PYGM: variants seen among roughly 807,000 people sequenced by gnomAD.
PYGM encodes the protein glycogen phosphorylase, muscle associated.
In PYGM, 81 loss-of-function variants were observed where a neutral mutation model predicts 99.3. The ratio of observed to expected loss-of-function variants is 0.82; its 90% CI spans 0.68 to 0.98. The LOEUF is 0.98. PYGM is among the 50% of genes least tolerant of loss of function. The pLI, the probability that PYGM is intolerant of heterozygous loss-of-function variation, is 0.00. For missense variants in PYGM, 1,030 were observed against 1,158.1 expected (o/e 0.89, Z 1.61); for synonymous variants, 436 against 451.5 (o/e 0.97, Z 0.44).
In PYGM at chr11:64,746,710, C is replaced by A. The variant is rs753530504; in HGVS notation, c.2478G>T (p.Trp826Cys). The A allele has an allele frequency of 6.2e-7, 1 of 1,614,192 alleles. No homozygotes were observed. Among genetic ancestry groups the A allele is most frequent in the Non-Finnish European group, 8.5e-7 (1 of 1,180,034 alleles). Residue 826 changes from tryptophan (W) to cysteine (C), a missense_variant, in exon 20 of 20, where the codon TGG becomes TGT. Trp to Cys is a radical substitution (Grantham distance 215). Transcript: ENST00000164139. ...GGCGCTGGCGGGAAGGCTCCACACC[C>A]CAGATCTCCCGGGCATACTGGGCAA... ...RTIAQYAREI[W>C]GVEPSRQRLP...
chr11:64,754,918 C>T lies in PYGM; in HGVS notation c.856-82G>A. On this transcript the variant is annotated intron_variant, in intron 7 of 19. Transcript: ENST00000164139. This position sits in a 1 kb window ranked among gnomAD's most constrained non-coding sequence, Gnocchi z 5.5. ...CGGTGGGTGTGGCCAGGAGGGACTC[C>T]CACCCATACCGGGACCCCTGAGCCC... The T allele has an allele frequency of 6.4e-7, 1 of 1,567,756 alleles. No individual in the cohort carries two copies. The highest frequency in any genetic ancestry group is 8.6e-7 in the Non-Finnish European group (1 of 1,157,144).
At chr11:64,757,721 G>A in intron 5 of PYGM, 58 bp downstream of exon 5, 2 of 1,609,776 alleles carry the variant, frequency 1.2e-6, no homozygotes, top group Non-Finnish European at 1.7e-6. Flanking sequence ...TCCTCTCTGG[G>A]CTTCCTTCTC....
intron 16 of PYGM, 200 bp downstream of exon 16, chr11:64,751,125 C>A: frequency 1.4e-6 from 1 of 697,474 alleles, no homozygotes; most frequent in Non-Finnish European, 2.4e-6. Flanking sequence ...CTCCTGACCT[C>A]AGGTGATCCA....
At chr11:64,751,725 G>A in intron 14 of PYGM, 70 bp from the exon 15 acceptor site, 1 of 1,582,640 alleles carries the variant, frequency 6.3e-7, no homozygotes, top group South Asian at 1.1e-5. Context: ...ACAGAGGCTG[G>A]GCTGGGACAC....
intron 17 of PYGM, 93 bp from the exon 18 acceptor site, chr11:64,747,451 A>C: frequency 6.4e-7 from 1 of 1,571,100 alleles, no homozygotes; most frequent in South Asian, 1.1e-5. Flanking sequence ...CCAGGGTCAA[A>C]ACCCAGGTCC....
chr11:64,757,846 G>A lies in PYGM; in HGVS notation c.593C>T (p.Thr198Met), dbSNP rs762354482. The change falls in exon 5 of 20, where the codon ACG (threonine) becomes ATG (methionine). Residue 198 changes from threonine to methionine, a missense_variant. Coordinates refer to ENST00000164139, the MANE Select transcript of PYGM (RefSeq NM_005609.4). Reference sequence around the variant, plus strand: ...ATGGCCGTAGAAGTGCACAGGTAGCGTGAACTCGGGCCGGGCCTTCTCCCA... The same window carrying A: ...ATGGCCGTAGAAGTGCACAGGTAGCATGAACTCGGGCCGGGCCTTCTCCCA... ...NPWEKARPEF[T>M]LPVHFYGHVE... is the part of the protein sequence containing the mutation. 9.9e-6 allele frequency: 16 copies of A among 1,614,040 alleles called. No homozygotes were observed. Among genetic ancestry groups the A allele is most frequent in the Middle Eastern group, 1.6e-4 (1 of 6,084 alleles).
Position 64,755,185 on chromosome 11 carries a change from G to A in PYGM, c.855+88C>T. On this transcript the variant is annotated intron_variant, in intron 7 of 19. Transcript: ENST00000164139. This position sits in a 1 kb window ranked among gnomAD's most constrained non-coding sequence, Gnocchi z 4.1. ...AGCAATATGCCCTGGGTGTGACTAG[G>A]GCACCAGCAAGTGTCCTTCCCCAGC... 2 of 1,425,208 alleles carry A rather than the reference G, an allele frequency of 1.4e-6. No individual in the cohort carries two copies. Among genetic ancestry groups the A allele is most frequent in the Non-Finnish European group, 2.0e-6 (2 of 1,012,938 alleles). The allele number at this position is 1,425,208 out of a possible 1,614,324, so 88.3% of individuals were successfully genotyped here.
chr11:64,758,165 G>A, intron 4 of PYGM, 81 bp downstream of exon 4: 7 of 1,501,584 alleles, frequency 4.7e-6, no homozygotes, highest in African/African-American at 1.4e-5. Flanking sequence ...GGGCTGTTTC[G>A]GACCTTGCCA....
rs777649758 is a variant in PYGM at position 64,751,373 on chromosome 11, G to C, written c.1921C>G (p.Leu641Val). The C allele has an allele frequency of 6.2e-7, 1 of 1,614,162 alleles. No individual in the cohort carries two copies. The highest frequency in any genetic ancestry group is 1.7e-5 in the Admixed American group (1 of 60,030). Residue 641 changes from leucine to valine, a missense_variant, in exon 16 of 20, where the codon CTC (leucine) becomes GTC (valine). Transcript: ENST00000164139. ...TAGTTCTCCAGGAAGATGACACGGA[G>C]GCGGTCACCCACTGCCGGGTCATGG... ...VNHDPAVGDR[L>V]RVIFLENYRV...
intron 17 of PYGM, among the ~76,000 whole-genome samples, chr11:64,749,578 C>G (rs2058339323): frequency 6.8e-6 from 1 of 146,202 alleles, no homozygotes; most frequent in African/African-American, 2.5e-5. Context: ...GGAGGCGGAG[C>G]TTGCAGTGAG....
At chr11:64,759,990 C>G, upstream of PYGM, 1 of 1,560,434 alleles carries the variant, frequency 6.4e-7, no homozygotes, top group Non-Finnish European at 8.7e-7. Context: ...TCCCCAGCCT[C>G]AAGGGGATTT....
Position 64,755,562 on chromosome 11 carries a change from C to CGG in PYGM, c.661-6_661-5dup. ...CGTAGGGCATGGCCAGTACCACCTGCGGGGGGCAATCCTGTCAGGAGCTGG... is the reference window on the plus strand; with the variant it reads ...CGTAGGGCATGGCCAGTACCACCTGCGGGGGGGGCAATCCTGTCAGGAGCTGG... On this transcript the variant is annotated splice_region_variant and splice_polypyrimidine_tract_variant and intron_variant, in intron 5 of 19. Coordinates refer to ENST00000164139, the MANE Select transcript of PYGM (RefSeq NM_005609.4). This position sits in a 1 kb window ranked among gnomAD's most constrained non-coding sequence, Gnocchi z 4.1. The CGG allele has an allele frequency of 6.2e-7, 1 of 1,612,474 alleles. No homozygotes were observed. Among genetic ancestry groups the CGG allele is most frequent in the Non-Finnish European group, 8.5e-7 (1 of 1,178,704 alleles).
chr11:64,747,084 C>T lies in PYGM; in HGVS notation c.2313-97G>A, dbSNP rs1285485995. 105 of 1,569,758 alleles carry T rather than the reference C, an allele frequency of 6.7e-5. No individual in the cohort carries two copies. In the East Asian group the frequency reaches 2.0e-3, roughly 30 times the overall value. On this transcript the variant is annotated intron_variant, in intron 18 of 19. Transcript: ENST00000164139. ...AGCCTGCCCTGTCCCAGTGGACAGC[C>T]GGGGACCTAGAGGGTCATGCTGCTT... is the stretch of plus-strand genomic sequence containing the variant.
chr11:64,753,147 T>C lies in PYGM; in HGVS notation c.1444A>G (p.Asn482Asp). Reference protein sequence around the residue: ...FYELEPHKFQNKTNGITPRRW... With the variant: ...FYELEPHKFQDKTNGITPRRW... ...CGAGGGGTGATGCCGTTGGTCTTAT[T>C]CTGGAACTTATGAGGCTCCAGCTCA... is the stretch of plus-strand genomic sequence containing the variant. The change falls in exon 12 of 20, where the codon AAT becomes GAT. Residue 482 changes from asparagine to aspartate, a missense_variant. Asn to Asp is a conservative substitution (Grantham distance 23). Coordinates refer to ENST00000164139, the MANE Select transcript of PYGM (RefSeq NM_005609.4). 1 of 1,614,028 alleles carries C rather than the reference T, an allele frequency of 6.2e-7. No homozygotes were observed. The highest frequency in any genetic ancestry group is 8.5e-7 in the Non-Finnish European group (1 of 1,179,888).
intron 17 of PYGM, chr11:64,748,209 G>T (rs906062026): frequency 1.3e-5 from 2 of 152,340 alleles, no homozygotes; most frequent in African/African-American, 4.8e-5. Context: ...CGACTCTCAG[G>T]CAACTCTCCC....
chr11:64,752,722 C>G (rs920965348), intron 12 of PYGM, among the ~76,000 whole-genome samples: 1 of 152,218 alleles, frequency 6.6e-6, no homozygotes, highest in Non-Finnish European at 1.5e-5. Context: ...CCCCACCTGA[C>G]CCCAGCAGGC....
intron 10 of PYGM, 89 bp downstream of exon 10, chr11:64,753,790 T>C: frequency 1.3e-6 from 2 of 1,527,696 alleles, no homozygotes; most frequent in Non-Finnish European, 1.8e-6. Context: ...CCCCAGAGTC[T>C]CAGGGCCCTG....
Position 64,754,870 on chromosome 11 carries a change from G to A in PYGM, c.856-34C>T, listed in dbSNP as rs779652212. On this transcript the variant is annotated intron_variant, in intron 7 of 19. Transcript: ENST00000164139. The surrounding 1 kb of genome is among the most constrained non-coding windows in gnomAD (Gnocchi z 5.5). ...AGCATGAGGCAGCGTGAGTCAGGGC[G>A]GTGGGGGCATGGCCTAAAGCTGCGG... 51 of 1,611,616 alleles carry A rather than the reference G, an allele frequency of 3.2e-5. No individual in the cohort carries two copies. In the Admixed American group the frequency reaches 4.8e-4, roughly 15 times the overall value.
chr11:64,751,551 G>A (rs2058356382), intron 15 of PYGM, 46 bp downstream of exon 15: 2 of 1,614,090 alleles, frequency 1.2e-6, no homozygotes, highest in Non-Finnish European at 1.7e-6. Context: ...CCTCAACCTG[G>A]ATATATCAAA....
Sources: gnomAD v4.1 joint callset for allele counts (sites outside exome capture counted in the v4.1 genomes callset) on GRCh38, gnomAD v4.1.1 for gene constraint, Gnocchi (gnomAD v3.1) non-coding constraint, MANE v1.5 for transcripts, NCBI Gene and HGNC (gene_info 2026-07-23, HGNC 2026-07-21) for gene names.